RFX3: variants seen among roughly 807,000 people sequenced by gnomAD.
RFX3 encodes the protein regulatory factor X3, also known as transcription factor RFX3.
A neutral mutation model predicts 98.6 loss-of-function variants in RFX3; 14 were observed. That is an observed-to-expected ratio of 0.14 (90% CI 0.09 to 0.22). The LOEUF is 0.22. Ranked by LOEUF, RFX3 falls within the 10% of genes least tolerant of loss-of-function variation. The pLI is 1.00. For synonymous variants in RFX3, 383 were observed against 328.4 expected (o/e 1.17, Z -1.80); for missense variants, 639 against 926.9 (o/e 0.69, Z 4.03).
intron 1 of RFX3, among the ~76,000 whole-genome samples, chr9:3,473,263 G>T (rs918307469): frequency 6.6e-6 from 1 of 152,154 alleles, no homozygotes; most frequent in Non-Finnish European, 1.5e-5. Context: ...TCTACTTCAA[G>T]TATTAGCTGC....
At chr9:3,226,601 C>T (rs537795496) in intron 16 of RFX3, among the ~76,000 whole-genome samples, 22 of 152,090 alleles carry the variant, frequency 1.4e-4, no homozygotes, top group South Asian at 2.1e-4. Context: ...CTCGGCCCAC[C>T]GACTTTATCA....
intron 1 of RFX3, among the ~76,000 whole-genome samples, chr9:3,465,066 G>A (rs1046172501): frequency 6.6e-6 from 1 of 152,078 alleles, no homozygotes; most frequent in South Asian, 2.1e-4. Context: ...TGTTAAAGGG[G>A]TGCTTTATTA....
At chr9:3,235,335 T>C (rs946146873) in intron 15 of RFX3, among the ~76,000 whole-genome samples, 5 of 152,054 alleles carry the variant, frequency 3.3e-5, no homozygotes, top group African/African-American at 7.2e-5. Flanking sequence ...GACAGTACGA[T>C]GTGTGGCAAG....
intron 1 of RFX3, among the ~76,000 whole-genome samples, chr9:3,455,269 G>T (rs1847044680): frequency 6.6e-6 from 1 of 152,110 alleles, no homozygotes. Flanking sequence ...GCATCAGACA[G>T]GCTGTTTTTC....
intron 2 of RFX3, among the ~76,000 whole-genome samples, chr9:3,387,467 T>C (rs371746657): frequency 3.3e-5 from 5 of 152,112 alleles, no homozygotes; most frequent in African/African-American, 1.2e-4. Flanking sequence ...TCAGTAGAGA[T>C]GGTCAACAAA....
chr9:3,489,869 A>G (rs1057081497), intron 1 of RFX3, among the ~76,000 whole-genome samples: 8 of 152,136 alleles, frequency 5.3e-5, no homozygotes, highest in Admixed American at 6.5e-5. Context: ...GTTCCTCTAT[A>G]AAACTCTGTG....
chr9:3,298,337 C>T (rs1415177208), intron 5 of RFX3, among the ~76,000 whole-genome samples: 3 of 151,696 alleles, frequency 2.0e-5, no homozygotes, highest in African/African-American at 7.2e-5. Flanking sequence ...CCTTTACCAA[C>T]GATGTTCACA....
chr9:3,295,171 T>G (rs1394845143), intron 5 of RFX3, among the ~76,000 whole-genome samples: 1 of 151,984 alleles, frequency 6.6e-6, no homozygotes, highest in Non-Finnish European at 1.5e-5. Flanking sequence ...AGGTTCAAAT[T>G]AGTATTTTGC....
At chr9:3,387,995 C>G (rs1444012513) in intron 2 of RFX3, among the ~76,000 whole-genome samples, 5 of 152,158 alleles carry the variant, frequency 3.3e-5, no homozygotes, top group East Asian at 1.9e-4. Context: ...AAAATTTGAT[C>G]CAACAGAATA....
At chr9:3,448,915 A>G (rs893715054) in intron 1 of RFX3, among the ~76,000 whole-genome samples, 1 of 152,140 alleles carries the variant, frequency 6.6e-6, no homozygotes, top group Admixed American at 6.6e-5. Context: ...GAAAACTCCA[A>G]AGAAGTACTG....
intron 7 of RFX3, among the ~76,000 whole-genome samples, chr9:3,279,825 T>C (rs1021127487): frequency 3.3e-5 from 5 of 151,800 alleles, no homozygotes; most frequent in Non-Finnish European, 7.4e-5. Context: ...TCATGATGCA[T>C]TATAATTAAC....
intron 1 of RFX3, among the ~76,000 whole-genome samples, chr9:3,492,751 C>A (rs956216276): frequency 9.2e-5 from 14 of 152,084 alleles, no homozygotes; most frequent in African/African-American, 3.1e-4. Flanking sequence ...CCACTATGCT[C>A]TAGAACAGAA....
intron 2 of RFX3, among the ~76,000 whole-genome samples, chr9:3,385,725 GAA>G (rs1839648407): frequency 7.2e-6 from 1 of 138,516 alleles, no homozygotes; most frequent in African/African-American, 2.8e-5. Context: ...GAAAAGAAAA[GAA>G]AACTCCTTGC....
intron 1 of RFX3, among the ~76,000 whole-genome samples, chr9:3,484,381 C>A (rs1850069858): frequency 1.3e-5 from 2 of 152,070 alleles, no homozygotes. Flanking sequence ...CAAGACAATG[C>A]AAGGTAGCTA....
chr9:3,402,287 CT>C (rs1841550851), intron 1 of RFX3, among the ~76,000 whole-genome samples: 1 of 152,130 alleles, frequency 6.6e-6, no homozygotes, highest in South Asian at 2.1e-4. Flanking sequence ...ATTTTTAACA[CT>C]GAGGAATGTA....
intron 1 of RFX3, among the ~76,000 whole-genome samples, chr9:3,418,453 C>T (rs1190880134): frequency 7.2e-5 from 11 of 151,950 alleles, no homozygotes; most frequent in Non-Finnish European, 1.0e-4. Context: ...CATCTCAGAT[C>T]ACTGCAACCT....
intron 13 of RFX3, among the ~76,000 whole-genome samples, chr9:3,257,487 T>G (rs946343056): frequency 2.6e-5 from 4 of 152,190 alleles, no homozygotes; most frequent in Non-Finnish European, 5.9e-5. Context: ...AAGACTAAAA[T>G]ACATGATGAC....
intron 4 of RFX3, among the ~76,000 whole-genome samples, chr9:3,308,705 T>C (rs934732081): frequency 6.6e-6 from 1 of 152,162 alleles, no homozygotes; most frequent in African/African-American, 2.4e-5. Flanking sequence ...TGGTTTACAA[T>C]GAAACCTATT....
At chr9:3,476,883 T>A (rs2133300523) in intron 1 of RFX3, among the ~76,000 whole-genome samples, 2 of 152,228 alleles carry the variant, frequency 1.3e-5, no homozygotes, top group South Asian at 4.1e-4. Context: ...ACAGCTCAAA[T>A]CCTAGCTCCA....
Sources: allele counts gnomAD v4.1 joint callset (sites outside exome capture counted in the v4.1 genomes callset), GRCh38; gene constraint gnomAD v4.1.1; transcripts MANE v1.5; gene names NCBI Gene and HGNC (gene_info 2026-07-23, HGNC 2026-07-21).